The following DLGAP1 variants were observed in gnomAD, a reference collection of about 807,000 sequenced individuals.
The protein encoded by DLGAP1 is disks large-associated protein 1.
Under a neutral mutation model 90.8 loss-of-function variants are expected in DLGAP1, and 11 were observed. The ratio of observed to expected loss-of-function variants is 0.12; its 90% CI spans 0.08 to 0.20. DLGAP1 has a LOEUF of 0.20. Among genes scored for constraint, DLGAP1 ranks in the 10% least tolerant of loss-of-function variants. The pLI is 1.00. For missense variants in DLGAP1, 1,050 were observed against 1,333.8 expected, an observed-to-expected ratio of 0.79 and a Z score of 3.31; for synonymous variants, 558 against 540.7, an observed-to-expected ratio of 1.03 and a Z score of -0.44.
At position 3,751,880 on chromosome 18, in the gene DLGAP1, CTTCT is replaced by C. The variant is rs1266180894; in HGVS notation, c.1173-9372_1173-9369del. 9.0e-5 allele frequency among the ~76,000 whole-genome samples: 12 copies of C among 133,962 alleles called. No homozygotes were observed. In the South Asian group the frequency reaches 1.2e-3, roughly 14 times the overall value. 87.9% of individuals were successfully genotyped at this position (133,962 alleles called of 152,430 possible). ...GCCCGGACTTCTTCTTCTTCTTCTT[CTTCT>C]TTTTTTTTTTTTTTAATGAGATGCA... On this transcript the variant is annotated intron_variant, in intron 5 of 12. Transcript: ENST00000315677.
At chr18:4,204,521 TTTTG>T (rs1402126071) in intron 1 of DLGAP1, among the ~76,000 whole-genome samples, 1 of 151,712 alleles carries the variant, frequency 6.6e-6, no homozygotes, top group East Asian at 1.9e-4. Context: ...TTTTTTTTGT[TTTTG>T]TTTTTTTTTC....
intron 10 of DLGAP1, among the ~76,000 whole-genome samples, chr18:3,522,884 T>C (rs1010982547): frequency 7.2e-5 from 11 of 151,990 alleles, no homozygotes; most frequent in African/African-American, 2.7e-4. Flanking sequence ...GAGGATACAA[T>C]GGGAAAAGGA....
chr18:3,510,254 T>C (rs1422514878), intron 10 of DLGAP1, among the ~76,000 whole-genome samples: 4 of 152,238 alleles, frequency 2.6e-5, no homozygotes, highest in African/African-American at 9.6e-5. Context: ...ATGGGGCTAA[T>C]GGTACCTATC....
At chr18:3,743,067 C>A (rs2063126764) in intron 5 of DLGAP1, among the ~76,000 whole-genome samples, 1 of 151,764 alleles carries the variant, frequency 6.6e-6, no homozygotes, top group Non-Finnish European at 1.5e-5. Context: ...TAAAAAGGCA[C>A]AACTCTCAAT....
chr18:4,414,870 G>T (rs1209294183), intron 1 of DLGAP1, among the ~76,000 whole-genome samples: 3 of 152,114 alleles, frequency 2.0e-5, no homozygotes, highest in Non-Finnish European at 4.4e-5. Context: ...TTCTGACTTT[G>T]CCAATTACTA....
intron 7 of DLGAP1, among the ~76,000 whole-genome samples, chr18:3,601,687 A>G (rs959018097): frequency 5.3e-5 from 8 of 151,922 alleles, no homozygotes. Context: ...TACCAAAAAT[A>G]CAAATAAATT....
chr18:3,573,770 T>C (rs1475422259), intron 8 of DLGAP1, among the ~76,000 whole-genome samples: 7 of 152,198 alleles, frequency 4.6e-5, no homozygotes, highest in Admixed American at 4.6e-4. Flanking sequence ...GGCAAAATCA[T>C]GGCTTACTGC....
At chr18:4,428,512 G>T (rs570473078) in intron 1 of DLGAP1, among the ~76,000 whole-genome samples, 12 of 151,930 alleles carry the variant, frequency 7.9e-5, no homozygotes, top group Admixed American at 2.0e-4. Flanking sequence ...AACCTGGGAG[G>T]CGAAGGTTGC....
intron 3 of DLGAP1, among the ~76,000 whole-genome samples, chr18:3,953,468 G>A (rs1455095760): frequency 6.6e-6 from 1 of 152,128 alleles, no homozygotes; most frequent in African/African-American, 2.4e-5. Context: ...TTTCACTTAG[G>A]ATAATGGCCC....
At chr18:3,797,283 G>A (rs1196952271) in intron 5 of DLGAP1, among the ~76,000 whole-genome samples, 4 of 151,026 alleles carry the variant, frequency 2.6e-5, no homozygotes, top group African/African-American at 7.3e-5. Context: ...CCGGGATCGC[G>A]CCACTGCACT....
rs369300707 is a variant in DLGAP1, at chr18:4,087,886, T to C, written c.-159+63294A>G. Among the ~76,000 whole-genome samples the C allele has an allele frequency of 6.3e-4, 96 of 152,286 alleles. 2 individuals are homozygous for C. In the South Asian group the frequency reaches 0.017, roughly 27 times the overall value. The stretch of plus-strand genomic sequence containing the variant: ...TTGTTTGAGTTGACATGATCTGTCT[T>C]GATTTGTTATGTTGAGACCATTGAC... On this transcript the variant is annotated intron_variant, in intron 2 of 12. Transcript: ENST00000315677.
intron 7 of DLGAP1, among the ~76,000 whole-genome samples, chr18:3,661,676 A>G (rs926031394): frequency 6.7e-6 from 1 of 150,200 alleles, no homozygotes; most frequent in African/African-American, 2.5e-5. Context: ...TCCTGGGTTC[A>G]AGCAATTCTC....
At chr18:4,196,802 C>T (rs1010517475) in intron 1 of DLGAP1, among the ~76,000 whole-genome samples, 2 of 152,162 alleles carry the variant, frequency 1.3e-5, no homozygotes, top group Non-Finnish European at 2.9e-5. Flanking sequence ...TATATGTACA[C>T]ATTTTTGTGA....
intron 3 of DLGAP1, among the ~76,000 whole-genome samples, chr18:3,989,913 CA>C (rs1401241328): frequency 6.6e-6 from 1 of 152,102 alleles, no homozygotes; most frequent in Non-Finnish European, 1.5e-5. Context: ...CAGAGAAATG[CA>C]AATCAAAACC....
chr18:4,131,080 G>T (rs1476204900), intron 2 of DLGAP1, among the ~76,000 whole-genome samples: 1 of 151,562 alleles, frequency 6.6e-6, no homozygotes, highest in Non-Finnish European at 1.5e-5. Context: ...TTTTTTTTCA[G>T]AAATATATTA....
intron 1 of DLGAP1, among the ~76,000 whole-genome samples, chr18:4,368,280 G>T (rs1169220306): frequency 6.6e-6 from 1 of 152,104 alleles, no homozygotes; most frequent in Non-Finnish European, 1.5e-5. Flanking sequence ...TACTGTGATG[G>T]ATAATTTGAA....
intron 7 of DLGAP1, among the ~76,000 whole-genome samples, chr18:3,716,296 C>G (rs1186453997): frequency 1.3e-5 from 2 of 152,174 alleles, no homozygotes; most frequent in Non-Finnish European, 2.9e-5. Flanking sequence ...TTCCTGTAAT[C>G]CCAGCATTTT....
chr18:4,096,800 TG>T lies in DLGAP1; in HGVS notation c.-159+54379del, dbSNP rs2075688093. On this transcript the variant is annotated intron_variant, in intron 2 of 12. Transcript: ENST00000315677. Reference sequence around the variant, plus strand: ...GGCTGCCTGGGTTAACGTCCTGGCTTGTCCATTTACTAGCTGTGAAGGCTGA... The same window carrying T: ...GGCTGCCTGGGTTAACGTCCTGGCTTTCCATTTACTAGCTGTGAAGGCTGA... 2.0e-5 allele frequency among the ~76,000 whole-genome samples: 3 copies of T among 152,348 alleles called. No individual in the cohort carries two copies. The South Asian group carries it at 6.2e-4, about 32-fold the overall frequency.
At chr18:3,597,358 A>G (rs981394960) in intron 7 of DLGAP1, 28 of 407,226 alleles carry the variant, frequency 6.9e-5, no homozygotes, top group Non-Finnish European at 1.2e-4. Flanking sequence ...AAACAGAATA[A>G]ATAGTACTTG....
Sources: allele counts gnomAD v4.1 joint callset (sites outside exome capture counted in the v4.1 genomes callset), GRCh38; gene constraint gnomAD v4.1.1; transcripts MANE v1.5; gene names NCBI Gene and HGNC (gene_info 2026-07-23, HGNC 2026-07-21).